The following AFG1L variants were observed in gnomAD, a reference collection of about 807,000 sequenced individuals.
The protein encoded by AFG1L is AFG1-like ATPase.
Under a neutral mutation model 62.2 loss-of-function variants are expected in AFG1L, and 53 were observed. The ratio of observed to expected loss-of-function variants is 0.85; its 90% confidence interval spans 0.68 to 1.07. The LOEUF (loss-of-function observed/expected upper bound fraction) is 1.07, where lower values mean the gene tolerates loss of function less well. AFG1L is among the 50% of genes least tolerant of loss of function. The pLI, the probability that AFG1L is intolerant of heterozygous loss-of-function variation, is 0.00. For synonymous variants in AFG1L, 228 were observed against 210.3 expected (o/e 1.08, Z -0.73); for missense variants, 555 against 590.5 (o/e 0.94, Z 0.62).
intron 10 of AFG1L, among the ~76,000 whole-genome samples, chr6:108,502,620 A>C (rs778945963): frequency 6.6e-6 from 1 of 152,136 alleles, no homozygotes; most frequent in African/African-American, 2.4e-5. Context: ...GATTATAGGC[A>C]TGAACCACCA....
chr6:108,333,350 C>T lies in AFG1L; in HGVS notation c.363+9302C>T, dbSNP rs116778263. ...GCTTGAACTTGGGAGGTGGAGATTG[C>T]AGTGAGGTGATATCCGCCACTGCAC... On this transcript the variant is annotated intron_variant, in intron 2 of 12. Coordinates refer to ENST00000368977, the MANE Select transcript of AFG1L (RefSeq NM_145315.5). 5.1e-3 allele frequency among the ~76,000 whole-genome samples: 770 copies of T among 151,604 alleles called. 3 individuals carry two copies. The highest frequency in any genetic ancestry group is 0.018 in the African/African-American group (744 of 41,278).
intron 5 of AFG1L, among the ~76,000 whole-genome samples, chr6:108,362,265 A>T (rs1264587024): frequency 3.3e-5 from 5 of 152,184 alleles, no homozygotes; most frequent in Admixed American, 2.0e-4. Flanking sequence ...TCCTTTAGGA[A>T]ATAATATGGT....
intron 1 of AFG1L, among the ~76,000 whole-genome samples, chr6:108,323,609 C>A (rs1012639736): frequency 6.6e-6 from 1 of 152,176 alleles, no homozygotes; most frequent in Non-Finnish European, 1.5e-5. Flanking sequence ...GATCTGCCTG[C>A]CTTGGTCTCC....
intron 1 of AFG1L, among the ~76,000 whole-genome samples, chr6:108,311,928 G>A (rs577698026): frequency 1.3e-4 from 20 of 151,800 alleles, no homozygotes; most frequent in Non-Finnish European, 2.4e-4. Context: ...AAAGTGGTAC[G>A]ATCTCTGCTC....
At chr6:108,418,438 A>G (rs191623071) in intron 7 of AFG1L, among the ~76,000 whole-genome samples, 22 of 152,316 alleles carry the variant, frequency 1.4e-4, no homozygotes, top group Non-Finnish European at 2.5e-4. Flanking sequence ...CCTGATCTAT[A>G]TAATATACAA....
At chr6:108,375,387 A>C (rs958145843) in intron 6 of AFG1L, among the ~76,000 whole-genome samples, 3 of 152,158 alleles carry the variant, frequency 2.0e-5, no homozygotes, top group Non-Finnish European at 4.4e-5. Context: ...GAGAGTGGAC[A>C]TCCTTTCTTA....
At chr6:108,486,895 G>A (rs1458559844) in intron 10 of AFG1L, among the ~76,000 whole-genome samples, 4 of 151,828 alleles carry the variant, frequency 2.6e-5, no homozygotes, top group African/African-American at 9.7e-5. Flanking sequence ...AGTAGAGATG[G>A]GGTTTCACCA....
intron 6 of AFG1L, among the ~76,000 whole-genome samples, chr6:108,369,614 AT>A (rs562639329): frequency 5.3e-4 from 78 of 146,106 alleles, no homozygotes; most frequent in South Asian, 1.7e-3. Flanking sequence ...TTAGGTCACA[AT>A]TTTTTTTTTT....
At chr6:108,470,402 G>C (rs1432561711) in intron 8 of AFG1L, among the ~76,000 whole-genome samples, 1 of 152,230 alleles carries the variant, frequency 6.6e-6, no homozygotes, top group Non-Finnish European at 1.5e-5. Flanking sequence ...GGTGGCAATA[G>C]AAGTGGCACT....
chr6:108,457,595 T>C (rs1772301463), intron 8 of AFG1L, among the ~76,000 whole-genome samples: 1 of 152,012 alleles, frequency 6.6e-6, no homozygotes, highest in Non-Finnish European at 1.5e-5. Context: ...TACATTGTCA[T>C]TACTTTTGCT....
intron 7 of AFG1L, among the ~76,000 whole-genome samples, chr6:108,435,511 C>G (rs1335866161): frequency 6.6e-6 from 1 of 151,994 alleles, no homozygotes; most frequent in Non-Finnish European, 1.5e-5. Context: ...CAAAGCCACA[C>G]TCTGTCTCAA....
At chr6:108,462,039 G>A (rs559275803) in intron 8 of AFG1L, among the ~76,000 whole-genome samples, 1 of 152,086 alleles carries the variant, frequency 6.6e-6, no homozygotes, top group African/African-American at 2.4e-5. Flanking sequence ...AGCTTGCAGT[G>A]AGCCGAGATT....
chr6:108,411,747 C>G (rs955754346), intron 7 of AFG1L, among the ~76,000 whole-genome samples: 13 of 152,158 alleles, frequency 8.5e-5, no homozygotes, highest in African/African-American at 3.1e-4. Flanking sequence ...CACCAAAACC[C>G]CATCTGTATG....
In AFG1L at chr6:108,508,461, C is replaced by G. The variant is rs532447443; in HGVS notation, c.1063-1751C>G. Among the ~76,000 whole-genome samples, 9 of 152,302 alleles carry G rather than the reference C, an allele frequency of 5.9e-5. No individual in the cohort carries two copies. The South Asian group carries it at 1.9e-3, about 32-fold the overall frequency. On this transcript the variant is annotated intron_variant, in intron 10 of 12. Coordinates refer to ENST00000368977, the MANE Select transcript of AFG1L (RefSeq NM_145315.5). ...ATGGGAAGGGCGGAGCTTGCCTCCT[C>G]CTGGCTGCCATTTGTTATCTGGTTG...
Position 108,510,213 on chromosome 6 carries a change from C to A in AFG1L, c.1064C>A (p.Pro355Gln). ...TTCTTTTATTTCATTTTATCATAGC[C>A]ACTTGGAGCCAGTGACTATTTGGAA... ...DCTFEELCER[P>Q]LGASDYLELS... Residue 355 changes from proline to glutamine, a missense_variant and splice_region_variant, in exon 11 of 13, where the codon CCA (proline) becomes CAA (glutamine). By Grantham distance (76) the Pro-to-Gln change is moderately conservative. Coordinates refer to ENST00000368977, the MANE Select transcript of AFG1L (RefSeq NM_145315.5). 6.2e-7 allele frequency: 1 copy of A among 1,600,854 alleles called. No individual in the cohort carries two copies. Among genetic ancestry groups the A allele is most frequent in the South Asian group, 1.1e-5 (1 of 88,358 alleles).
intron 1 of AFG1L, among the ~76,000 whole-genome samples, chr6:108,318,697 G>A (rs1777697895): frequency 6.6e-6 from 1 of 152,186 alleles, no homozygotes; most frequent in Non-Finnish European, 1.5e-5. Context: ...GTGAAATAAG[G>A]TACAAAATTG....
intron 10 of AFG1L, among the ~76,000 whole-genome samples, chr6:108,482,974 T>C (rs1302438303): frequency 1.3e-5 from 2 of 152,188 alleles, no homozygotes; most frequent in Non-Finnish European, 2.9e-5. Context: ...TGAGTTTTCA[T>C]GTAGCATCAA....
chr6:108,407,237 A>G (rs1407900356), intron 7 of AFG1L, among the ~76,000 whole-genome samples: 1 of 152,080 alleles, frequency 6.6e-6, no homozygotes, highest in Non-Finnish European at 1.5e-5. Context: ...CTTTAGTTAG[A>G]ACAGTTATTG....
intron 7 of AFG1L, among the ~76,000 whole-genome samples, chr6:108,441,830 A>C (rs1054054369): frequency 1.3e-5 from 2 of 151,896 alleles, no homozygotes; most frequent in South Asian, 4.1e-4. Context: ...AGTGGTGATT[A>C]GTGAATGTAC....
Sources: allele counts gnomAD v4.1 joint callset (sites outside exome capture counted in the v4.1 genomes callset), GRCh38; gene constraint gnomAD v4.1.1; transcripts MANE v1.5; gene names NCBI Gene and HGNC (gene_info 2026-07-23, HGNC 2026-07-21).